The following NFIB variants were observed in gnomAD, a reference collection of about 807,000 sequenced individuals.
NFIB encodes nuclear factor 1 B-type.
In NFIB, 11 loss-of-function variants were observed where a neutral mutation model predicts 61.5. That is an observed-to-expected ratio of 0.18 (90% confidence interval 0.11 to 0.30). The LOEUF is 0.30. Among genes scored for constraint, NFIB ranks in the 10% least tolerant of loss-of-function variants. The pLI, the probability that NFIB is intolerant of heterozygous loss-of-function variation, is 1.00. For missense variants in NFIB, 471 were observed against 608.9 expected (o/e 0.77, Z 2.38); for synonymous variants, 260 against 216.5 (o/e 1.20, Z -1.76).
At chr9:14,523,620 A>G in the NFIB span, among the ~76,000 whole-genome samples, 4 of 152,296 alleles carry the variant, frequency 2.6e-5, no homozygotes, top group South Asian at 8.3e-4. Flanking sequence ...AAAAATAACA[A>G]AATATACAAA....
chr9:14,472,280 C>T, the NFIB span, among the ~76,000 whole-genome samples: 2 of 152,166 alleles, frequency 1.3e-5, no homozygotes, highest in African/African-American at 4.8e-5. Flanking sequence ...AAGTTATGGA[C>T]GAAAGTGTAT....
the NFIB span, among the ~76,000 whole-genome samples, chr9:14,516,130 C>G: frequency 0.06 from 9,161 of 152,302 alleles, 300 homozygotes; most frequent in Non-Finnish European, 0.066. Flanking sequence ...ACAATTGCCT[C>G]GAACCACAGT....
At chr9:14,375,665 A>G (rs1048843178) in intron 1 of NFIB, among the ~76,000 whole-genome samples, 2 of 152,144 alleles carry the variant, frequency 1.3e-5, no homozygotes, top group East Asian at 3.9e-4. Flanking sequence ...ATCTCAAAAA[A>G]AAAAAAGAAA....
chr9:14,327,538 T>A (rs1470599759), intron 1 of NFIB, among the ~76,000 whole-genome samples: 1 of 152,182 alleles, frequency 6.6e-6, no homozygotes, highest in African/African-American at 2.4e-5. Context: ...CAAGTATAGA[T>A]AGGTTTTTGA....
At position 14,192,077 on chromosome 9, in the gene NFIB, T is replaced by A. The variant is rs546422433; in HGVS notation, c.563-12297A>T. 6.6e-5 allele frequency among the ~76,000 whole-genome samples: 10 copies of A among 152,342 alleles called. No homozygotes were observed. The East Asian group carries it at 1.9e-3, about 29-fold the overall frequency. On this transcript the variant is annotated intron_variant, in intron 2 of 10. Coordinates refer to ENST00000380953, the MANE Select transcript of NFIB (RefSeq NM_001190737.2). ...AAAAGGGGAAGGAGGGATCATCCAATTCTTTGTCAGAGTTAATTGCCATAG... is the reference window on the plus strand; with the variant it reads ...AAAAGGGGAAGGAGGGATCATCCAAATCTTTGTCAGAGTTAATTGCCATAG...
At chr9:14,500,434 G>A in the NFIB span, among the ~76,000 whole-genome samples, 7 of 152,062 alleles carry the variant, frequency 4.6e-5, no homozygotes, top group African/African-American at 1.7e-4. Flanking sequence ...GTTAGCCAAC[G>A]TTATTACTCT....
intron 10 of NFIB, among the ~76,000 whole-genome samples, chr9:14,104,991 G>C (rs935894092): frequency 2.0e-5 from 3 of 152,082 alleles, no homozygotes; most frequent in African/African-American, 7.2e-5. Flanking sequence ...CTCACTGATT[G>C]CTTATTGTCC....
the NFIB span, among the ~76,000 whole-genome samples, chr9:14,466,898 C>G: frequency 1.3e-5 from 2 of 152,122 alleles, no homozygotes; most frequent in Non-Finnish European, 2.9e-5. Context: ...AGGCTGACCT[C>G]TATTTGCCTG....
the NFIB span, among the ~76,000 whole-genome samples, chr9:14,487,877 C>A: frequency 6.6e-6 from 1 of 152,086 alleles, no homozygotes; most frequent in African/African-American, 2.4e-5. Context: ...CAGTCAGGGG[C>A]ATGGGCAGGC....
intron 2 of NFIB, among the ~76,000 whole-genome samples, chr9:14,295,608 G>A (rs2059392237): frequency 6.6e-6 from 1 of 151,048 alleles, no homozygotes; most frequent in Non-Finnish European, 1.5e-5. Context: ...TCCAGCCTGG[G>A]CTACCCAGCC....
chr9:14,214,869 T>A (rs1418155827), intron 2 of NFIB, among the ~76,000 whole-genome samples: 1 of 152,208 alleles, frequency 6.6e-6, no homozygotes, highest in Non-Finnish European at 1.5e-5. Context: ...CAGAGAGCCA[T>A]CCTATACAAT....
At position 14,210,972 on chromosome 9, in the gene NFIB, C is replaced by T. The variant is rs190151180; in HGVS notation, c.563-31192G>A. Among the ~76,000 whole-genome samples the T allele has an allele frequency of 3.9e-3, 590 of 152,178 alleles. 3 individuals carry two copies. Among genetic ancestry groups the T allele is most frequent in the Non-Finnish European group, 7.0e-3 (475 of 67,986 alleles). Reference sequence around the variant, plus strand: ...GAAAGTCTAATTAATAGGTTGAAACCGTACTGAATTTCTGCTTCTCTGTAT... The same window carrying T: ...GAAAGTCTAATTAATAGGTTGAAACTGTACTGAATTTCTGCTTCTCTGTAT... On this transcript the variant is annotated intron_variant, in intron 2 of 10. Transcript: ENST00000380953.
intron 2 of NFIB, among the ~76,000 whole-genome samples, chr9:14,193,093 T>C (rs1168803889): frequency 6.6e-6 from 1 of 151,674 alleles, no homozygotes; most frequent in Admixed American, 6.6e-5. Context: ...CCAAAGTTTT[T>C]TGTAATGCAT....
the NFIB span, among the ~76,000 whole-genome samples, chr9:14,513,669 AAAAG>A: frequency 6.6e-6 from 1 of 151,630 alleles, no homozygotes; most frequent in Non-Finnish European, 1.5e-5. Flanking sequence ...AAAAGAAAAA[AAAAG>A]AAACAAAATG....
intron 3 of NFIB, among the ~76,000 whole-genome samples, chr9:14,160,917 T>C (rs1424845863): frequency 1.3e-5 from 2 of 151,164 alleles, no homozygotes; most frequent in Non-Finnish European, 2.9e-5. Context: ...CTTACACAGA[T>C]GTTTTCCTAT....
At chr9:14,341,228 C>T (rs893467809) in intron 1 of NFIB, among the ~76,000 whole-genome samples, 2 of 152,190 alleles carry the variant, frequency 1.3e-5, no homozygotes, top group Non-Finnish European at 2.9e-5. Context: ...CCAGCACTCA[C>T]AGCTGTCAGA....
At chr9:14,389,759 A>T (rs1055273721) in intron 1 of NFIB, among the ~76,000 whole-genome samples, 1 of 151,838 alleles carries the variant, frequency 6.6e-6, no homozygotes, top group Non-Finnish European at 1.5e-5. Context: ...ACCCCCAAAG[A>T]CTCTTTATTA....
chr9:14,211,407 C>T (rs1159090127), intron 2 of NFIB, among the ~76,000 whole-genome samples: 1 of 152,098 alleles, frequency 6.6e-6, no homozygotes, highest in Non-Finnish European at 1.5e-5. Flanking sequence ...ATAGGGAATA[C>T]ATAAATTGGG....
At chr9:14,233,421 C>CTTTTTTTTTT (rs766595252) in intron 2 of NFIB, among the ~76,000 whole-genome samples, 1 of 109,130 alleles carries the variant, frequency 9.2e-6, no homozygotes, top group African/African-American at 3.5e-5. Context: ...TGCTATTATT[C>CTTTTTTTTTT]TTTTTTTTTT....
Sources: gnomAD v4.1 joint callset for allele counts (sites outside exome capture counted in the v4.1 genomes callset) on GRCh38, gnomAD v4.1.1 for gene constraint, MANE v1.5 for transcripts, NCBI Gene and HGNC (gene_info 2026-07-23, HGNC 2026-07-21) for gene names.